Variants in ARFGEF2 observed in about 807,000 individuals in gnomAD.
ARFGEF2 encodes brefeldin A-inhibited guanine nucleotide-exchange protein 2.
ARFGEF2 carries 74 observed loss-of-function variants against 219.9 expected under a neutral mutation model. That is an observed-to-expected ratio of 0.34 (90% confidence interval 0.28 to 0.41). ARFGEF2 has a LOEUF of 0.41. Ranked by LOEUF, ARFGEF2 falls within the 10% of genes least tolerant of loss-of-function variation. ARFGEF2 has a pLI of 1.00. For synonymous variants in ARFGEF2, 733 were observed against 799.2 expected, an observed-to-expected ratio of 0.92 and a Z score of 1.40; for missense variants, 1,743 against 2,218.3, an observed-to-expected ratio of 0.79 and a Z score of 4.30.
chr20:48,940,410 A>G (rs1169388316), intron 1 of ARFGEF2, among the ~76,000 whole-genome samples: 1 of 152,238 alleles, frequency 6.6e-6, no homozygotes, highest in African/African-American at 2.4e-5. Context: ...TGAAAAAAGA[A>G]AAAATCATCA....
chr20:48,966,175 G>A, intron 8 of ARFGEF2, 152 bp downstream of exon 8: 1 of 980,430 alleles, frequency 1.0e-6, no homozygotes, highest in Non-Finnish European at 1.6e-6. Flanking sequence ...CTTTGTATTA[G>A]CAGGTTCAGT....
chr20:48,924,802 A>G (rs1392792538), intron 1 of ARFGEF2, among the ~76,000 whole-genome samples: 2 of 152,158 alleles, frequency 1.3e-5, no homozygotes, highest in Non-Finnish European at 2.9e-5. Flanking sequence ...TCTGTGTTCA[A>G]ACCTCCTGCC....
At chr20:48,972,243 G>T in intron 10 of ARFGEF2, 83 bp from the exon 11 acceptor site, 1 of 962,592 alleles carries the variant, frequency 1.0e-6, no homozygotes, top group Non-Finnish European at 1.7e-6. Context: ...TGCACGACTG[G>T]GTTGGCTGCT....
At chr20:48,928,716 G>C (rs961824257) in intron 1 of ARFGEF2, among the ~76,000 whole-genome samples, 2 of 151,416 alleles carry the variant, frequency 1.3e-5, no homozygotes, top group African/African-American at 4.9e-5. Context: ...GGATGGTTTC[G>C]ATCTCCTGAC....
intron 1 of ARFGEF2, among the ~76,000 whole-genome samples, chr20:48,939,053 C>T (rs1429579568): frequency 6.6e-6 from 1 of 150,416 alleles, no homozygotes; most frequent in Admixed American, 6.8e-5. Context: ...CGGCTCACTG[C>T]AATTACTGCT....
At chr20:48,959,065 G>A (rs140368259) in intron 6 of ARFGEF2, among the ~76,000 whole-genome samples, 733 of 152,244 alleles carry the variant, frequency 4.8e-3, no homozygotes, top group Non-Finnish European at 7.9e-3. Context: ...TTAAATGTTG[G>A]CAGCTAATTC....
At chr20:48,967,852 A>G (rs1411035166) in intron 8 of ARFGEF2, among the ~76,000 whole-genome samples, 2 of 152,202 alleles carry the variant, frequency 1.3e-5, no homozygotes, top group Non-Finnish European at 2.9e-5. Flanking sequence ...AAGGTCATTT[A>G]GATTTCTTTA....
At chr20:49,017,041 C>G (rs1234478279) in intron 31 of ARFGEF2, among the ~76,000 whole-genome samples, 1 of 152,032 alleles carries the variant, frequency 6.6e-6, no homozygotes, top group Non-Finnish European at 1.5e-5. Flanking sequence ...GACCTTTCTT[C>G]TTTAGCAATA....
Position 49,036,134 on chromosome 20 carries a change from G to A in ARFGEF2, c.*2935G>A. The A allele has an allele frequency of 2.5e-6, 1 of 398,148 alleles. No individual in the cohort carries two copies. Among genetic ancestry groups the A allele is most frequent in the Non-Finnish European group, 4.4e-6 (1 of 225,926 alleles). 24.7% of individuals were successfully genotyped at this position (398,148 alleles called of 1,614,324 possible). A position where few individuals can be genotyped will look rare whatever the true frequency, so the allele number is the denominator to read the frequency against. ...AATGTTTGTTGTTATGATGCAAATG[G>A]ATATTGGTTTCAATAGAAGCTGGAT... On this transcript the variant is annotated 3_prime_UTR_variant, in exon 39 of 39. Transcript: ENST00000371917.
chr20:49,009,501 CT>C (rs2091482952), intron 26 of ARFGEF2, among the ~76,000 whole-genome samples: 1 of 151,794 alleles, frequency 6.6e-6, no homozygotes, highest in Non-Finnish European at 1.5e-5. Flanking sequence ...GGCCACTGTA[CT>C]GACTTTTAAA....
chr20:48,952,225 G>A (rs1370055916), intron 4 of ARFGEF2, among the ~76,000 whole-genome samples: 1 of 145,666 alleles, frequency 6.9e-6, no homozygotes, highest in East Asian at 2.0e-4. Context: ...GTGCAATCTC[G>A]GCTCGCTGCA....
Position 49,018,989 on chromosome 20 carries a change from C to A in ARFGEF2, c.4615C>A (p.Pro1539Thr). The A allele has an allele frequency of 1.2e-6, 2 of 1,613,562 alleles. No homozygotes were observed. Among genetic ancestry groups the A allele is most frequent in the Middle Eastern group, 1.7e-4 (1 of 6,060 alleles). Residue 1539 changes from proline (P) to threonine (T), a missense_variant, in exon 34 of 39, where the codon CCA becomes ACA. By Grantham distance (38) the Pro-to-Thr change is conservative. Around this residue, in one of 5 missense-constraint regions of ARFGEF2, gnomAD observed 578 missense variants for 664.0 expected, o/e 0.87. Transcript: ENST00000371917. ...AACAGATGACAGCTGGAAGGGTAGA[C>A]CATACGCAAGTAAGGCCACTTTTTA... ...NPTDDSWKGR[P>T]YANQKLFASL...
intron 8 of ARFGEF2, among the ~76,000 whole-genome samples, chr20:48,966,501 G>C (rs899370418): frequency 2.0e-4 from 31 of 152,172 alleles, no homozygotes; most frequent in African/African-American, 6.7e-4. Context: ...GTTGCAACCT[G>C]CTTTTTAAAC....
intron 25 of ARFGEF2, among the ~76,000 whole-genome samples, chr20:48,999,907 G>C (rs1165507949): frequency 6.6e-6 from 1 of 152,092 alleles, no homozygotes; most frequent in African/African-American, 2.4e-5. Flanking sequence ...TAATACCAAT[G>C]CTTAAAAATA....
At chr20:48,999,654 GA>G (rs1348410665) in intron 25 of ARFGEF2, among the ~76,000 whole-genome samples, 1 of 149,648 alleles carries the variant, frequency 6.7e-6, no homozygotes, top group East Asian at 2.0e-4. Flanking sequence ...GGCTGAGGCA[GA>G]AGAATGGCGT....
chr20:49,010,148 G>T, intron 26 of ARFGEF2, 84 bp from the exon 27 acceptor site: 1 of 1,507,538 alleles, frequency 6.6e-7, no homozygotes, highest in Admixed American at 1.8e-5. Flanking sequence ...ATGTTTAAGT[G>T]CTGCTTCTAA....
chr20:48,952,919 ATCATTGCTC>A, intron 5 of ARFGEF2, 35 bp downstream of exon 5: 1 of 1,607,554 alleles, frequency 6.2e-7, no homozygotes, highest in Non-Finnish European at 8.5e-7. Context: ...GGGGCAAGAC[ATCATTGCTC>A]TCTGAACTCT....
At chr20:48,998,033 A>AT (rs1243956688) in intron 23 of ARFGEF2, 160 bp from the exon 24 acceptor site, 3 of 673,134 alleles carry the variant, frequency 4.5e-6, no homozygotes, top group Non-Finnish European at 8.0e-6. Flanking sequence ...AATTTTTTGT[A>AT]TTTTTTATTA....
At chr20:48,952,970 C>T in intron 5 of ARFGEF2, 86 bp downstream of exon 5, 1 of 1,423,274 alleles carries the variant, frequency 7.0e-7, no homozygotes, top group Non-Finnish European at 9.9e-7. Context: ...TGTGAAGAAT[C>T]ACTAGCATTT....
Sources: gnomAD v4.1 joint callset for allele counts (sites outside exome capture counted in the v4.1 genomes callset) on GRCh38, gnomAD v4.1.1 for gene constraint, gnomAD v4.1.1 regional missense constraint, MANE v1.5 for transcripts, NCBI Gene and HGNC (gene_info 2026-07-23, HGNC 2026-07-21) for gene names.